The following VWA3A variants were observed in gnomAD, a reference collection of about 807,000 sequenced individuals.
The protein encoded by VWA3A is von Willebrand factor A domain containing 3A, also known as von Willebrand factor A domain-containing protein 3A.
In VWA3A, 134 loss-of-function variants were observed where a neutral mutation model predicts 160.4. The observed-to-expected ratio is 0.84, with a 90% CI of 0.73 to 0.96. The LOEUF (loss-of-function observed/expected upper bound fraction) is 0.96. VWA3A is among the 40% of genes least tolerant of loss of function. The pLI is 0.00. For missense variants in VWA3A, 1,310 were observed against 1,447.9 expected, an observed-to-expected ratio of 0.90 and a Z score of 1.55; for synonymous variants, 476 against 543.4, an observed-to-expected ratio of 0.88 and a Z score of 1.72.
At chr16:22,103,612 A>C in intron 6 of VWA3A, 83 bp downstream of exon 6, 1 of 1,469,174 alleles carries the variant, frequency 6.8e-7, no homozygotes, top group Non-Finnish European at 9.3e-7. Flanking sequence ...GCAAATGTAG[A>C]CCTCCAATAT....
chr16:22,123,687 G>A lies in VWA3A; in HGVS notation c.1512G>A (p.Trp504Ter). ...TCTCCCTGGCCAGCAGAAGAATCTG[G>A]GGCACAGTCTGTGAAAAAAGGTACC... ...EWLSLASRRI[W>*]GTVCEKRVVV... The change falls in exon 16 of 34, where the codon TGG becomes TGA. Residue 504 changes from tryptophan to a stop codon, truncating the protein, a stop_gained. Transcript: ENST00000389398. LOFTEE classifies it high-confidence loss of function. 1 of 1,613,712 alleles carries A rather than the reference G, an allele frequency of 6.2e-7. No homozygotes were observed.
At position 22,132,901 on chromosome 16, in the gene VWA3A, C is replaced by T. The variant is rs185906633; in HGVS notation, c.1874C>T (p.Pro625Leu). The T allele has an allele frequency of 1.9e-6, 3 of 1,612,834 alleles. No individual in the cohort carries two copies. Among genetic ancestry groups the T allele is most frequent in the Admixed American group, 3.3e-5 (2 of 60,016 alleles). ...FTGGIPDQDM[P>L]TLSAYMAEAC... is the part of the protein sequence containing the mutation. Reference sequence around the variant, plus strand: ...CTCCTACCTTCTCTTCCCCACCAGCCTACACTCAGTGCCTACATGGCTGAG... The same window carrying T: ...CTCCTACCTTCTCTTCCCCACCAGCTTACACTCAGTGCCTACATGGCTGAG... The change falls in exon 20 of 34, where the codon CCT becomes CTT. Residue 625 changes from proline to leucine, a missense_variant and splice_region_variant. Physicochemically the swap from Pro to Leu is moderately conservative, Grantham distance 98. Transcript: ENST00000389398.
chr16:22,113,876 G>A (rs540053845), intron 8 of VWA3A, among the ~76,000 whole-genome samples: 8 of 152,182 alleles, frequency 5.3e-5, no homozygotes, highest in Middle Eastern at 6.8e-3. Context: ...TGGGATTGCC[G>A]GCATGAGCCA....
intron 15 of VWA3A, 91 bp downstream of exon 15, chr16:22,123,256 G>T: frequency 7.8e-7 from 1 of 1,276,024 alleles, no homozygotes; most frequent in South Asian, 1.3e-5. Context: ...CCAAGCCATT[G>T]ACTCAACTCC....
chr16:22,139,563 G>C (rs533364732), intron 22 of VWA3A, among the ~76,000 whole-genome samples: 11 of 152,150 alleles, frequency 7.2e-5, no homozygotes, highest in Admixed American at 3.3e-4. Context: ...GTGTGGTGGC[G>C]GGTGCCTGTA....
At chr16:22,123,310 A>G (rs1327446295) in intron 15 of VWA3A, 145 bp downstream of exon 15, 1 of 1,117,132 alleles carries the variant, frequency 9.0e-7, no homozygotes, top group Non-Finnish European at 1.3e-6. Context: ...AGGCCTCCTG[A>G]AGCTTTGGCC....
At chr16:22,112,027 C>G (rs2045559382) in intron 8 of VWA3A, among the ~76,000 whole-genome samples, 1 of 152,184 alleles carries the variant, frequency 6.6e-6, no homozygotes, top group African/African-American at 2.4e-5. Flanking sequence ...CTGCTCTGTA[C>G]CTTGGCTTTC....
intron 25 of VWA3A, 84 bp downstream of exon 25, chr16:22,142,849 C>T (rs1014147496): frequency 5.6e-6 from 6 of 1,066,704 alleles, no homozygotes; most frequent in Admixed American, 2.0e-5. Context: ...GATGGGGGGG[C>T]ATAATCAGAA....
chr16:22,148,064 CACAAG>C, intron 27 of VWA3A, 93 bp from the exon 28 acceptor site: 1 of 1,414,910 alleles, frequency 7.1e-7, no homozygotes, highest in Non-Finnish European at 9.3e-7. Flanking sequence ...CAACAGGTGT[CACAAG>C]ACTTTATACT....
intron 22 of VWA3A, among the ~76,000 whole-genome samples, chr16:22,139,314 A>G (rs1461747134): frequency 6.6e-6 from 1 of 151,740 alleles, no homozygotes; most frequent in African/African-American, 2.4e-5. Flanking sequence ...GCCTCCTGAA[A>G]CCAGGCCGGG....
chr16:22,140,210 G>T lies in VWA3A; in HGVS notation c.2349G>T (p.Trp783Cys). The change falls in exon 23 of 34, where the codon TGG becomes TGT. Residue 783 changes from tryptophan (W) to cysteine (C), a missense_variant. Physicochemically the swap from Trp to Cys is radical, Grantham distance 215. Coordinates refer to ENST00000389398, the MANE Select transcript of VWA3A (RefSeq NM_173615.5). ...GCCCCCCGCTGAAATCTCTGAAATGGCGTCCACTCAGTAGCAGAGTTGGCA... is the reference window on the plus strand; with the variant it reads ...GCCCCCCGCTGAAATCTCTGAAATGTCGTCCACTCAGTAGCAGAGTTGGCA... Reference protein sequence around the residue: ...EKSPPLKSLKWRPLSSRVGIS... With the variant: ...EKSPPLKSLKCRPLSSRVGIS... The T allele has an allele frequency of 6.2e-7, 1 of 1,613,724 alleles. No individual in the cohort carries two copies.
rs1252272779 is a variant in VWA3A at position 22,121,071 on chromosome 16, C to T, written c.1220C>T (p.Ser407Phe). The change falls in exon 13 of 34, where the codon TCT (serine) becomes TTT (phenylalanine). Residue 407 changes from serine to phenylalanine, a missense_variant. Transcript: ENST00000389398. ...GAGTTTCCAAACTTGGACAAGACTTCTGCAGAGTGGCTTAAGGTCAATGGT... is the reference window on the plus strand; with the variant it reads ...GAGTTTCCAAACTTGGACAAGACTTTTGCAGAGTGGCTTAAGGTCAATGGT... ...TIEFPNLDKT[S>F]AEWLKVNGLK... 1 of 1,613,976 alleles carries T rather than the reference C, an allele frequency of 6.2e-7. No individual in the cohort carries two copies. The highest frequency in any genetic ancestry group is 2.2e-5 in the East Asian group (1 of 44,888).
intron 6 of VWA3A, among the ~76,000 whole-genome samples, chr16:22,105,333 AC>A: frequency 2.0e-5 from 3 of 152,262 alleles, no homozygotes; most frequent in Middle Eastern, 6.8e-3. Context: ...GCCCAGGGAA[AC>A]GATCACCTGT....
intron 8 of VWA3A, among the ~76,000 whole-genome samples, chr16:22,111,301 TA>T (rs1198894625): frequency 6.6e-6 from 1 of 152,142 alleles, no homozygotes; most frequent in Non-Finnish European, 1.5e-5. Context: ...GAAAGGATGA[TA>T]AATAATAGCA....
At chr16:22,148,850 T>C (rs2046300802) in intron 28 of VWA3A, among the ~76,000 whole-genome samples, 1 of 152,202 alleles carries the variant, frequency 6.6e-6, no homozygotes, top group African/African-American at 2.4e-5. Context: ...AACTACCATG[T>C]GGCCTTGAAG....
intron 30 of VWA3A, 53 bp from the exon 31 acceptor site, chr16:22,152,458 G>C (rs1189239994): frequency 6.2e-6 from 10 of 1,600,082 alleles, no homozygotes; most frequent in East Asian, 4.5e-5. Context: ...GGAGTCACAC[G>C]AACTTGCCTG....
rs774863627 is a variant in VWA3A, at chr16:22,116,809, T to C, written c.866T>C (p.Met289Thr). Reference protein sequence around the residue: ...ILSDYIQQSTMGRDLIIHFIT... With the variant: ...ILSDYIQQSTTGRDLIIHFIT... ...TCTGACTACATCCAGCAGTCCACCA[T>C]GGGAAGAGACCTCATCATCCACTTC... Residue 289 changes from methionine (M) to threonine (T), a missense_variant, in exon 10 of 34, where the codon ATG becomes ACG. Coordinates refer to ENST00000389398, the MANE Select transcript of VWA3A (RefSeq NM_173615.5). 3 of 1,613,568 alleles carry C rather than the reference T, an allele frequency of 1.9e-6. No individual in the cohort carries two copies. Among genetic ancestry groups the C allele is most frequent in the Non-Finnish European group, 2.5e-6 (3 of 1,179,880 alleles).
intron 1 of VWA3A, 46 bp from the exon 2 acceptor site, chr16:22,096,813 T>C: frequency 8.0e-7 from 1 of 1,246,348 alleles, no homozygotes; most frequent in Non-Finnish European, 1.1e-6. Context: ...AACTATTGTC[T>C]GTATGCCACA....
chr16:22,136,368 A>G (rs993476682), intron 21 of VWA3A, among the ~76,000 whole-genome samples: 1 of 152,140 alleles, frequency 6.6e-6, no homozygotes, highest in African/African-American at 2.4e-5. Flanking sequence ...GGAGAGGTGC[A>G]GGGAAGGCGG....
Sources: allele counts gnomAD v4.1 joint callset (sites outside exome capture counted in the v4.1 genomes callset), GRCh38; gene constraint gnomAD v4.1.1; transcripts MANE v1.5; gene names NCBI Gene and HGNC (gene_info 2026-07-23, HGNC 2026-07-21).